The following CDH12 variants were observed in gnomAD, a reference collection of about 807,000 sequenced individuals.
CDH12 encodes the protein cadherin 12, also known as cadherin-12.
In CDH12, 41 loss-of-function variants were observed where a neutral mutation model predicts 74.1. The ratio of observed to expected loss-of-function variants is 0.55; its 90% CI spans 0.43 to 0.72. The LOEUF (loss-of-function observed/expected upper bound fraction) is 0.72, where lower values mean the gene tolerates loss of function less well. Among genes scored for constraint, CDH12 ranks in the 30% least tolerant of loss-of-function variants. The pLI is 0.00. For synonymous variants in CDH12, 399 were observed against 355.0 expected (o/e 1.12, Z -1.39); for missense variants, 945 against 977.2 (o/e 0.97, Z 0.44).
chr5:22,272,755 C>T (rs567043405), intron 3 of CDH12, among the ~76,000 whole-genome samples: 3 of 152,218 alleles, frequency 2.0e-5, no homozygotes, highest in East Asian at 3.9e-4. Flanking sequence ...GAATGATGCA[C>T]AACATTGATC....
intron 3 of CDH12, among the ~76,000 whole-genome samples, chr5:22,395,914 G>A (rs1742438106): frequency 6.6e-6 from 1 of 152,020 alleles, no homozygotes; most frequent in Non-Finnish European, 1.5e-5. Context: ...AGGATATGTG[G>A]TTTGTCTGCC....
chr5:22,054,694 G>A (rs952214257), intron 5 of CDH12, among the ~76,000 whole-genome samples: 26 of 152,218 alleles, frequency 1.7e-4, no homozygotes, highest in African/African-American at 6.3e-4. Context: ...GTAATATGGA[G>A]TCTATTGATG....
chr5:21,894,661 T>A (rs568424988), intron 6 of CDH12, among the ~76,000 whole-genome samples: 4 of 152,276 alleles, frequency 2.6e-5, no homozygotes, highest in African/African-American at 7.2e-5. Context: ...TTTATTCAGA[T>A]CATTTAAAGA....
intron 2 of CDH12, among the ~76,000 whole-genome samples, chr5:22,425,186 T>TAC (rs1333985966): frequency 2.1e-5 from 3 of 142,586 alleles, no homozygotes; most frequent in Non-Finnish European, 3.1e-5. Flanking sequence ...TATATATATA[T>TAC]ATACTTCTTT....
intron 1 of CDH12, among the ~76,000 whole-genome samples, chr5:22,652,052 A>C (rs1739773184): frequency 6.6e-6 from 1 of 152,148 alleles, no homozygotes; most frequent in African/African-American, 2.4e-5. Context: ...ATTACTGAAT[A>C]CTTCTAGGAT....
rs371587010 is a variant in CDH12, at chr5:22,075,319, G to A, written c.231+3127C>T. Among the ~76,000 whole-genome samples, 6 of 126,184 alleles carry A rather than the reference G, an allele frequency of 4.8e-5. No individual in the cohort carries two copies. The East Asian group carries it at 1.7e-3, about 36-fold the overall frequency. The allele number at this position is 126,184 out of a possible 152,430, so 82.8% of individuals were successfully genotyped here. On this transcript the variant is annotated intron_variant, in intron 5 of 14. Coordinates refer to ENST00000382254, the MANE Select transcript of CDH12 (RefSeq NM_004061.5). Reference sequence around the variant, plus strand: ...CACACTGGGGCCTGTTGTGGGGTGGGGGGAGGGGGGAGGGATAGCATTAGG... The same window carrying A: ...CACACTGGGGCCTGTTGTGGGGTGGAGGGAGGGGGGAGGGATAGCATTAGG...
intron 4 of CDH12, among the ~76,000 whole-genome samples, chr5:22,117,477 A>ATT (rs869162719): frequency 1.9e-5 from 1 of 52,886 alleles, no homozygotes; most frequent in East Asian, 7.8e-4. Flanking sequence ...TAATATATAT[A>ATT]TTATATATAT....
intron 1 of CDH12, among the ~76,000 whole-genome samples, chr5:22,650,738 C>G (rs922510621): frequency 3.9e-5 from 6 of 151,950 alleles, no homozygotes; most frequent in Admixed American, 6.6e-5. Flanking sequence ...GCATCACTCT[C>G]TGCATGCTAC....
At chr5:22,212,342 A>T (rs973698227) in intron 4 of CDH12, 156 bp downstream of exon 4, 1 of 204,932 alleles carries the variant, frequency 4.9e-6, no homozygotes, top group Non-Finnish European at 8.6e-6. Flanking sequence ...AGATATCATT[A>T]TCTCCAACGC....
chr5:21,980,130 C>T (rs1173162350), intron 5 of CDH12, among the ~76,000 whole-genome samples: 3 of 144,760 alleles, frequency 2.1e-5, no homozygotes, highest in Admixed American at 6.8e-5. Context: ...TTCATGTACC[C>T]TAAAACTTAA....
At chr5:22,012,115 T>C (rs1476355762) in intron 5 of CDH12, among the ~76,000 whole-genome samples, 2 of 145,498 alleles carry the variant, frequency 1.4e-5, no homozygotes, top group Admixed American at 6.8e-5. Flanking sequence ...CTTTAATTAT[T>C]AACGATTGAT....
chr5:21,793,967 G>A (rs1046472324), intron 10 of CDH12, among the ~76,000 whole-genome samples: 1 of 150,212 alleles, frequency 6.7e-6, no homozygotes, highest in East Asian at 1.9e-4. Flanking sequence ...ACTGAATAAG[G>A]TTTCATATAC....
chr5:22,737,454 G>T (rs1372846813), intron 1 of CDH12, among the ~76,000 whole-genome samples: 4 of 151,814 alleles, frequency 2.6e-5, no homozygotes, highest in Non-Finnish European at 4.4e-5. Flanking sequence ...TGATTTAACT[G>T]ATTAAAAGTA....
Position 22,311,562 on chromosome 5 carries a change from C to T in CDH12, c.-333+93695G>A, listed in dbSNP as rs111887575. 5.1e-4 allele frequency among the ~76,000 whole-genome samples: 77 copies of T among 151,978 alleles called. 1 individual carries two copies. Among genetic ancestry groups the T allele is most frequent in the African/African-American group, 1.7e-3 (69 of 41,450 alleles). ...ACTAAAAATATAACAATTAGCCTGACGTGGTGGCACATGCTTGTAATCCCA... is the reference window on the plus strand; with the variant it reads ...ACTAAAAATATAACAATTAGCCTGATGTGGTGGCACATGCTTGTAATCCCA... On this transcript the variant is annotated intron_variant, in intron 3 of 14. Coordinates refer to ENST00000382254, the MANE Select transcript of CDH12 (RefSeq NM_004061.5).
At chr5:22,791,326 C>T (rs574090754) in intron 1 of CDH12, among the ~76,000 whole-genome samples, 1 of 152,230 alleles carries the variant, frequency 6.6e-6, no homozygotes, top group Admixed American at 6.5e-5. Context: ...TCACCCACGT[C>T]TAAGTTTTCG....
At chr5:21,897,427 A>C (rs1263484460) in intron 6 of CDH12, among the ~76,000 whole-genome samples, 1 of 152,210 alleles carries the variant, frequency 6.6e-6, no homozygotes, top group African/African-American at 2.4e-5. Context: ...AAGAGAAATA[A>C]AGCCTCAAAT....
chr5:21,915,353 A>G (rs548031397), intron 6 of CDH12, among the ~76,000 whole-genome samples: 3 of 152,324 alleles, frequency 2.0e-5, no homozygotes, highest in Admixed American at 6.5e-5. Flanking sequence ...AAACAAAAAA[A>G]TTCAGGAAGC....
intron 3 of CDH12, among the ~76,000 whole-genome samples, chr5:22,227,264 T>C (rs1752227680): frequency 6.6e-6 from 1 of 151,984 alleles, no homozygotes; most frequent in Non-Finnish European, 1.5e-5. Context: ...TCTACCATAA[T>C]GAAGGAGACA....
intron 5 of CDH12, among the ~76,000 whole-genome samples, chr5:21,998,255 A>G (rs2150141581): frequency 6.6e-6 from 1 of 152,280 alleles, no homozygotes; most frequent in Non-Finnish European, 1.5e-5. Context: ...ACTTTTGGTC[A>G]TGTAGAAGAA....
Sources: allele counts gnomAD v4.1 joint callset (sites outside exome capture counted in the v4.1 genomes callset), GRCh38; gene constraint gnomAD v4.1.1; transcripts MANE v1.5; gene names NCBI Gene and HGNC (gene_info 2026-07-23, HGNC 2026-07-21).